The following SLC7A7 variants were observed in gnomAD, a reference collection of about 807,000 sequenced individuals.
SLC7A7 encodes Y+L amino acid transporter 1.
A neutral mutation model predicts 47.9 loss-of-function variants in SLC7A7; 39 were observed. The ratio of observed to expected loss-of-function variants is 0.81; its 90% CI spans 0.63 to 1.06. The LOEUF is 1.06. Among genes scored for constraint, SLC7A7 ranks in the 50% least tolerant of loss-of-function variants. The probability of loss-of-function intolerance (pLI) is 0.00; values close to 1 mark genes in which losing one functional copy is unlikely to be tolerated. For missense variants in SLC7A7, 588 were observed against 632.0 expected (o/e 0.93, Z 0.75); for synonymous variants, 234 against 242.8 (o/e 0.96, Z 0.34).
rs2039084331 is a variant in SLC7A7, at chr14:22,799,973, C to G, written c.499+12927G>C. 2.0e-5 allele frequency among the ~76,000 whole-genome samples: 3 copies of G among 152,136 alleles called. No individual in the cohort carries two copies. The South Asian group carries it at 6.2e-4, about 31-fold the overall frequency. On this transcript the variant is annotated intron_variant, in intron 2 of 9. Coordinates refer to ENST00000674313, the MANE Select transcript of SLC7A7 (RefSeq NM_003982.4). The stretch of plus-strand genomic sequence containing the variant: ...ACAAGTAACTGGCGTCACCATCCAC[C>G]CATTTATGCAAGCCAAAGACCTGGG...
intron 2 of SLC7A7, among the ~76,000 whole-genome samples, chr14:22,800,196 C>G (rs547497395): frequency 1.1e-4 from 16 of 152,214 alleles, no homozygotes; most frequent in Admixed American, 2.0e-4. Flanking sequence ...ATTCTAAAAT[C>G]TAAATCACAA....
At chr14:22,806,873 G>A (rs2039218792) in intron 2 of SLC7A7, among the ~76,000 whole-genome samples, 1 of 149,710 alleles carries the variant, frequency 6.7e-6, no homozygotes, top group Non-Finnish European at 1.5e-5. Flanking sequence ...CCGGCAAAAA[G>A]TCCTTGAAAG....
chr14:22,806,895 CT>C (rs397852982), intron 2 of SLC7A7, among the ~76,000 whole-genome samples: 10,348 of 123,488 alleles, frequency 0.084, 386 homozygotes, highest in African/African-American at 0.14. Flanking sequence ...CCACTGTTAA[CT>C]TTTTTTTTTT....
At chr14:22,776,510 A>G (rs527964348) in intron 4 of SLC7A7, among the ~76,000 whole-genome samples, 192 bp from the exon 5 acceptor site, 9 of 152,312 alleles carry the variant, frequency 5.9e-5, no homozygotes, top group Non-Finnish European at 1.0e-4. Context: ...ACTAAAGAAC[A>G]TTAGGGGAAA....
chr14:22,810,249 G>A (rs2039283912), intron 2 of SLC7A7, among the ~76,000 whole-genome samples: 1 of 151,762 alleles, frequency 6.6e-6, no homozygotes. Flanking sequence ...CGGATTACCT[G>A]AGGTCCGGAG....
intron 2 of SLC7A7, among the ~76,000 whole-genome samples, chr14:22,807,559 C>A (rs887584057): frequency 2.0e-5 from 3 of 151,674 alleles, no homozygotes; most frequent in African/African-American, 4.8e-5. Flanking sequence ...GAGCAAGAAC[C>A]CCCATCTCTA....
At chr14:22,776,903 A>G (rs1171447656) in intron 4 of SLC7A7, among the ~76,000 whole-genome samples, 1 of 151,770 alleles carries the variant, frequency 6.6e-6, no homozygotes, top group Non-Finnish European at 1.5e-5. Context: ...CGAGAGGCGG[A>G]GGTTGTGGTA....
At chr14:22,778,703 T>C (rs2038660322) in intron 4 of SLC7A7, 90 bp downstream of exon 4, 2 of 1,404,022 alleles carry the variant, frequency 1.4e-6, no homozygotes, top group Non-Finnish European at 2.0e-6. Context: ...ATTAACCTCA[T>C]AGTGGTTGTG....
At chr14:22,810,566 C>A (rs1186785523) in intron 2 of SLC7A7, among the ~76,000 whole-genome samples, 3 of 151,990 alleles carry the variant, frequency 2.0e-5, no homozygotes, top group Admixed American at 6.6e-5. Flanking sequence ...ATATAATTAA[C>A]CATATGCCCA....
chr14:22,774,183 C>CT, intron 8 of SLC7A7, 67 bp from the exon 9 acceptor site: 1 of 1,596,356 alleles, frequency 6.3e-7, no homozygotes, highest in Non-Finnish European at 8.6e-7. Flanking sequence ...ATAACCCCAC[C>CT]TCCCATAAGG....
chr14:22,818,581 T>C (rs144313414), upstream of SLC7A7, among the ~76,000 whole-genome samples: 1 of 104,192 alleles, frequency 9.6e-6, no homozygotes, highest in Non-Finnish European at 1.8e-5. Flanking sequence ...CCCAGGTTTT[T>C]GGTTTTTTTT....
At chr14:22,780,115 G>A (rs2038692526) in intron 2 of SLC7A7, 64 bp from the exon 3 acceptor site, 5 of 1,608,416 alleles carry the variant, frequency 3.1e-6, no homozygotes, top group Non-Finnish European at 2.5e-6. Flanking sequence ...AGACTCCCAA[G>A]CAATTTTTCC....
chr14:22,796,739 C>T (rs1167559024), intron 2 of SLC7A7, among the ~76,000 whole-genome samples: 1 of 152,138 alleles, frequency 6.6e-6, no homozygotes, highest in Admixed American at 6.5e-5. Context: ...TCATGTCCAC[C>T]TGTGAACAGT....
At chr14:22,782,489 T>A (rs1320438760) in intron 2 of SLC7A7, among the ~76,000 whole-genome samples, 1 of 151,638 alleles carries the variant, frequency 6.6e-6, no homozygotes, top group Admixed American at 6.6e-5. Flanking sequence ...TGAGACACAG[T>A]CTTGCTCTGT....
At chr14:22,805,865 G>A (rs575985635) in intron 2 of SLC7A7, among the ~76,000 whole-genome samples, 3 of 152,098 alleles carry the variant, frequency 2.0e-5, no homozygotes, top group East Asian at 1.9e-4. Context: ...ATCAAAGGCC[G>A]AGGGCGGTGG....
intron 2 of SLC7A7, among the ~76,000 whole-genome samples, chr14:22,806,502 A>G (rs2139446689): frequency 6.6e-6 from 1 of 152,008 alleles, no homozygotes; most frequent in East Asian, 1.9e-4. Context: ...GGGCCACATA[A>G]GCAGCCTGGC....
At chr14:22,806,556 C>T (rs1055422896) in intron 2 of SLC7A7, among the ~76,000 whole-genome samples, 3 of 152,040 alleles carry the variant, frequency 2.0e-5, no homozygotes, top group Non-Finnish European at 2.9e-5. Flanking sequence ...AGCCCACCTT[C>T]CCTATTTTAG....
intron 2 of SLC7A7, among the ~76,000 whole-genome samples, chr14:22,795,447 CTAT>C (rs2039004535): frequency 2.4e-5 from 1 of 40,838 alleles, no homozygotes; most frequent in African/African-American, 7.0e-5. Flanking sequence ...TCTTTCTTTT[CTAT>C]TCTTTTCTTT....
intron 2 of SLC7A7, among the ~76,000 whole-genome samples, chr14:22,793,061 C>T (rs1340896619): frequency 7.3e-5 from 11 of 151,544 alleles, no homozygotes; most frequent in Middle Eastern, 3.4e-3. Flanking sequence ...AGACTACAGG[C>T]GCCCGCCACC....
Sources: gnomAD v4.1 joint callset for allele counts (sites outside exome capture counted in the v4.1 genomes callset) on GRCh38, gnomAD v4.1.1 for gene constraint, MANE v1.5 for transcripts, NCBI Gene and HGNC (gene_info 2026-07-23, HGNC 2026-07-21) for gene names.